The following NFIL3 variants were observed in gnomAD, a reference collection of about 807,000 sequenced individuals.
NFIL3 encodes nuclear factor, interleukin 3 regulated.
Under a neutral mutation model 10.0 loss-of-function variants are expected in NFIL3, and 5 were observed. The observed-to-expected ratio is 0.50, with a 90% CI of 0.26 to 1.06. The LOEUF is 1.06. Ranked by LOEUF, NFIL3 falls within the 50% of genes least tolerant of loss-of-function variation. The pLI is 0.13. For missense variants in NFIL3, 436 were observed against 547.6 expected, an observed-to-expected ratio of 0.80 and a Z score of 2.03; for synonymous variants, 202 against 206.5, an observed-to-expected ratio of 0.98 and a Z score of 0.19.
the NFIL3 span, among the ~76,000 whole-genome samples, chr9:91,434,204 C>T: frequency 6.6e-6 from 1 of 152,076 alleles, no homozygotes; most frequent in East Asian, 1.9e-4. Context: ...CACTGGAGAC[C>T]AGGAGATTGA....
upstream of NFIL3, among the ~76,000 whole-genome samples, chr9:91,427,619 TTTG>T (rs139394510): frequency 0.49 from 73,572 of 150,028 alleles, 18,197 homozygotes; most frequent in African/African-American, 0.54. Context: ...GCATACCGTT[TTTG>T]TTGTTGTTGT....
At chr9:91,460,742 A>G in the NFIL3 span, among the ~76,000 whole-genome samples, 1 of 152,202 alleles carries the variant, frequency 6.6e-6, no homozygotes, top group Admixed American at 6.5e-5. Flanking sequence ...TAGCAAGCAT[A>G]CACCTGAGTC....
At chr9:91,439,707 G>GT in the NFIL3 span, among the ~76,000 whole-genome samples, 1 of 152,014 alleles carries the variant, frequency 6.6e-6, no homozygotes, top group Non-Finnish European at 1.5e-5. Context: ...GCTGTTGAGA[G>GT]TTTTTTATCA....
the NFIL3 span, among the ~76,000 whole-genome samples, chr9:91,452,007 C>G: frequency 2.2e-4 from 33 of 152,244 alleles, no homozygotes; most frequent in African/African-American, 7.7e-4. Flanking sequence ...TTTGAAGCCC[C>G]TCAACCATCT....
the NFIL3 span, among the ~76,000 whole-genome samples, chr9:91,437,689 A>G: frequency 6.6e-6 from 1 of 152,208 alleles, no homozygotes; most frequent in African/African-American, 2.4e-5. Flanking sequence ...CACCCCTGGT[A>G]AGCAGTGTCT....
At chr9:91,459,725 G>C in the NFIL3 span, among the ~76,000 whole-genome samples, 1 of 152,170 alleles carries the variant, frequency 6.6e-6, no homozygotes, top group East Asian at 1.9e-4. Context: ...GAAAATATTT[G>C]TTTATGTATT....
intron 1 of NFIL3, 54 bp downstream of exon 1, chr9:91,423,586 C>G (rs1232281357): frequency 6.8e-6 from 1 of 147,700 alleles, no homozygotes. Context: ...CCGCCCGCAG[C>G]GCGCCCTGGG....
upstream of NFIL3, among the ~76,000 whole-genome samples, chr9:91,428,001 A>G (rs1833888495): frequency 6.6e-6 from 1 of 151,914 alleles, no homozygotes; most frequent in African/African-American, 2.4e-5. Flanking sequence ...AGCCTTAGTG[A>G]GGTTCTCCTC....
chr9:91,469,820 T>C, the NFIL3 span, among the ~76,000 whole-genome samples: 1 of 152,244 alleles, frequency 6.6e-6, no homozygotes, highest in Non-Finnish European at 1.5e-5. Flanking sequence ...TCTGTTTATA[T>C]GCTGGATTAC....
upstream of NFIL3, among the ~76,000 whole-genome samples, chr9:91,427,924 G>T (rs914116212): frequency 2.6e-5 from 4 of 152,262 alleles, no homozygotes; most frequent in Admixed American, 2.6e-4. Flanking sequence ...GGAATTACAG[G>T]TGTGAGTCAC....
chr9:91,481,264 T>TA, the NFIL3 span, among the ~76,000 whole-genome samples: 1 of 152,174 alleles, frequency 6.6e-6, no homozygotes, highest in Non-Finnish European at 1.5e-5. Context: ...TACACATAGA[T>TA]AAAAAAATGG....
chr9:91,465,425 C>G, the NFIL3 span, among the ~76,000 whole-genome samples: 1 of 152,038 alleles, frequency 6.6e-6, no homozygotes, highest in African/African-American at 2.4e-5. Context: ...GTGTTTTTTA[C>G]TTCTAGAAAT....
In NFIL3 at chr9:91,409,654, T is replaced by C; in HGVS notation, c.1081A>G (p.Arg361Gly). Residue 361 changes from arginine to glycine, a missense_variant, in exon 2 of 2, where the codon AGA becomes GGA. Arg to Gly is a moderately radical substitution (Grantham distance 125, BLOSUM62 -2). Around this residue, in one of 3 missense-constraint regions of NFIL3, gnomAD observed 338 missense variants for 399.9 expected, o/e 0.85. Coordinates refer to ENST00000297689, the MANE Select transcript of NFIL3 (RefSeq NM_005384.3). ...CTATGCTTTTCGAGTTCGAAATGTC[T>C]TTTAGATGTCATGTCAATAGGTGAG... ...LSSPIDMTSK[R>G]HFELEKHSAP... 1 of 1,614,210 alleles carries C rather than the reference T, an allele frequency of 6.2e-7. No homozygotes were observed. The highest frequency in any genetic ancestry group is 8.5e-7 in the Non-Finnish European group (1 of 1,180,030).
chr9:91,457,599 A>G, the NFIL3 span, among the ~76,000 whole-genome samples: 1 of 151,852 alleles, frequency 6.6e-6, no homozygotes, highest in Non-Finnish European at 1.5e-5. Flanking sequence ...ATTTCATTGG[A>G]TTTTCTTCAT....
the NFIL3 span, among the ~76,000 whole-genome samples, chr9:91,471,905 A>T: frequency 8.5e-4 from 129 of 152,296 alleles, no homozygotes; most frequent in Non-Finnish European, 1.5e-3. Flanking sequence ...CCTGGTGGTG[A>T]CAAAATCTCT....
At chr9:91,443,749 G>C in the NFIL3 span, among the ~76,000 whole-genome samples, 2 of 152,162 alleles carry the variant, frequency 1.3e-5, no homozygotes, top group South Asian at 2.1e-4. Flanking sequence ...AACTCAGAAG[G>C]GGGCAGGGCT....
chr9:91,466,890 G>A, the NFIL3 span, among the ~76,000 whole-genome samples: 1 of 152,118 alleles, frequency 6.6e-6, no homozygotes, highest in African/African-American at 2.4e-5. Flanking sequence ...TTCTCTGAAG[G>A]CATTTTTTAG....
the NFIL3 span, among the ~76,000 whole-genome samples, chr9:91,476,530 G>A: frequency 4.6e-5 from 7 of 151,480 alleles, no homozygotes; most frequent in Middle Eastern, 3.4e-3. Context: ...CCAAGATTGC[G>A]CCACTGCACT....
the NFIL3 span, among the ~76,000 whole-genome samples, chr9:91,442,287 GT>G: frequency 2.6e-5 from 4 of 152,124 alleles, no homozygotes; most frequent in African/African-American, 9.7e-5. Context: ...GGCTTACAAG[GT>G]TTTTGCTGAG....
Sources: allele counts gnomAD v4.1 joint callset (sites outside exome capture counted in the v4.1 genomes callset), GRCh38; gene constraint gnomAD v4.1.1; regional missense constraint gnomAD v4.1.1; transcripts MANE v1.5; gene names NCBI Gene and HGNC (gene_info 2026-07-23, HGNC 2026-07-21).